Variants in PCDH15 observed in about 807,000 individuals in gnomAD.
PCDH15 encodes the protein protocadherin related 15, also known as protocadherin-15.
Under a neutral mutation model 178.5 loss-of-function variants are expected in PCDH15, and 129 were observed. The observed-to-expected ratio is 0.72, with a 90% confidence interval of 0.63 to 0.84. The LOEUF (loss-of-function observed/expected upper bound fraction) is 0.84. Among genes scored for constraint, PCDH15 ranks in the 40% least tolerant of loss-of-function variants. The pLI is 0.00. For synonymous variants in PCDH15, 800 were observed against 732.0 expected, an observed-to-expected ratio of 1.09 and a Z score of -1.50; for missense variants, 2,230 against 2,099.9, an observed-to-expected ratio of 1.06 and a Z score of -1.21.
intron 2 of PCDH15, among the ~76,000 whole-genome samples, chr10:54,993,438 A>G (rs1014308821): frequency 6.6e-6 from 1 of 152,154 alleles, no homozygotes; most frequent in Non-Finnish European, 1.5e-5. Flanking sequence ...TCTGTAATGG[A>G]ATTATGAAAC....
intron 9 of PCDH15, among the ~76,000 whole-genome samples, chr10:54,227,822 C>T (rs1284744137): frequency 6.6e-6 from 1 of 152,134 alleles, no homozygotes; most frequent in Non-Finnish European, 1.5e-5. Flanking sequence ...TTCAAAGTTC[C>T]ACAAATATCT....
chr10:55,110,905 T>C (rs1837485434), intron 2 of PCDH15, among the ~76,000 whole-genome samples: 1 of 152,142 alleles, frequency 6.6e-6, no homozygotes. Context: ...TTATTTTATA[T>C]TTATTTACTT....
At chr10:54,581,553 A>G (rs1037386867) in intron 2 of PCDH15, among the ~76,000 whole-genome samples, 1 of 152,136 alleles carries the variant, frequency 6.6e-6, no homozygotes, top group African/African-American at 2.4e-5. Flanking sequence ...TACCAATGCC[A>G]TTTTTAACAG....
At chr10:54,376,755 A>G (rs1948504513) in intron 4 of PCDH15, among the ~76,000 whole-genome samples, 2 of 151,968 alleles carry the variant, frequency 1.3e-5, no homozygotes, top group African/African-American at 4.8e-5. Context: ...CAATATTGGT[A>G]TGGAAGCATA....
intron 2 of PCDH15, among the ~76,000 whole-genome samples, chr10:55,460,467 A>G (rs10763205): frequency 0.38 from 57,371 of 151,756 alleles, 11,751 homozygotes; most frequent in East Asian, 0.83. Context: ...TCTACAATTA[A>G]TTAATCTTTT....
At chr10:54,021,703 C>T (rs1202948952) in intron 19 of PCDH15, among the ~76,000 whole-genome samples, 1 of 151,852 alleles carries the variant, frequency 6.6e-6, no homozygotes, top group Non-Finnish European at 1.5e-5. Flanking sequence ...AGGAGCTCCA[C>T]CTCTATTACC....
intron 2 of PCDH15, among the ~76,000 whole-genome samples, chr10:54,574,462 T>G (rs866197792): frequency 2.0e-5 from 3 of 152,128 alleles, no homozygotes; most frequent in Non-Finnish European, 4.4e-5. Context: ...GGTAGTGTGA[T>G]GCCTCCAGCT....
intron 8 of PCDH15, among the ~76,000 whole-genome samples, chr10:54,295,952 G>T (rs59063521): frequency 6.7e-6 from 1 of 149,246 alleles, no homozygotes; most frequent in Non-Finnish European, 1.5e-5. Context: ...AGACCATCCC[G>T]GCTAAAATGG....
intron 1 of PCDH15, among the ~76,000 whole-genome samples, chr10:55,306,873 A>G (rs1322594564): frequency 1.3e-5 from 2 of 152,210 alleles, no homozygotes; most frequent in African/African-American, 4.8e-5. Context: ...AAAAAATAAC[A>G]TGGCACAATG....
intron 2 of PCDH15, among the ~76,000 whole-genome samples, chr10:54,617,922 C>CAA (rs3071002): frequency 6.9e-4 from 86 of 125,106 alleles, no homozygotes; most frequent in African/African-American, 2.2e-3. Context: ...GACTCCATTT[C>CAA]AAAAAAAAAA....
chr10:54,632,335 GCTCA>G (rs1190738433), intron 2 of PCDH15, among the ~76,000 whole-genome samples: 1 of 152,040 alleles, frequency 6.6e-6, no homozygotes, highest in Non-Finnish European at 1.5e-5. Flanking sequence ...TAGGTACTAT[GCTCA>G]CTATCTAAGT....
intron 2 of PCDH15, among the ~76,000 whole-genome samples, chr10:54,951,677 C>A (rs946586913): frequency 6.6e-6 from 1 of 151,760 alleles, no homozygotes; most frequent in African/African-American, 2.4e-5. Flanking sequence ...GCATTCTCAT[C>A]GGGAAAGAAT....
intron 2 of PCDH15, among the ~76,000 whole-genome samples, chr10:54,536,073 G>T (rs1460250141): frequency 6.6e-6 from 1 of 152,184 alleles, no homozygotes; most frequent in African/African-American, 2.4e-5. Flanking sequence ...AACAATTCTT[G>T]GTCCAAGGTG....
intron 18 of PCDH15, among the ~76,000 whole-genome samples, chr10:54,048,780 G>T (rs2093707058): frequency 6.6e-6 from 1 of 152,070 alleles, no homozygotes; most frequent in African/African-American, 2.4e-5. Flanking sequence ...TTGTAGTATA[G>T]TTTGAAGTAG....
At chr10:53,811,467 C>A in intron 36 of PCDH15, 82 bp downstream of exon 36, 3 of 848,734 alleles carry the variant, frequency 3.5e-6, no homozygotes, top group South Asian at 2.2e-5. Flanking sequence ...AAAACAAATT[C>A]TAGTAATAAT....
At chr10:54,442,457 T>TACAC (rs1156915255) in intron 3 of PCDH15, among the ~76,000 whole-genome samples, 7 of 97,014 alleles carry the variant, frequency 7.2e-5, no homozygotes, top group African/African-American at 2.9e-4. Flanking sequence ...TATATATATA[T>TACAC]ATACAGTCTT....
chr10:54,322,857 C>T (rs1345761315), intron 7 of PCDH15, among the ~76,000 whole-genome samples: 2 of 151,202 alleles, frequency 1.3e-5, no homozygotes, highest in Non-Finnish European at 2.9e-5. Context: ...AAAACAAAAA[C>T]TGACAAGTAG....
At chr10:54,257,459 G>C (rs1213040186) in intron 8 of PCDH15, among the ~76,000 whole-genome samples, 1 of 134,498 alleles carries the variant, frequency 7.4e-6, no homozygotes, top group South Asian at 2.3e-4. Context: ...CACAAATCCA[G>C]TGGTAAGGCA....
Position 54,314,784 on chromosome 10 carries a change from G to A in PCDH15, c.876+2487C>T, listed in dbSNP as rs12569546. On this transcript the variant is annotated intron_variant, in intron 8 of 37. Transcript: ENST00000644397. ...CTCCCACTTATATGTGAGAATATGC[G>A]GTATTTGGTTTTCTGTTCCTGTGTT... is the stretch of plus-strand genomic sequence containing the variant. 2.8e-4 allele frequency among the ~76,000 whole-genome samples: 42 copies of A among 152,074 alleles called. No individual in the cohort carries two copies. The South Asian group carries it at 5.6e-3, about 20-fold the overall frequency.
Sources: gnomAD v4.1 joint callset for allele counts (sites outside exome capture counted in the v4.1 genomes callset) on GRCh38, gnomAD v4.1.1 for gene constraint, MANE v1.5 for transcripts, NCBI Gene and HGNC (gene_info 2026-07-23, HGNC 2026-07-21) for gene names.